The following KIAA1958 variants were observed in gnomAD, a reference collection of about 807,000 sequenced individuals.
KIAA1958 encodes uncharacterized protein KIAA1958.
In KIAA1958, 14 loss-of-function variants were observed where a neutral mutation model predicts 47.2. That is an observed-to-expected ratio of 0.30 (90% CI 0.20 to 0.46). The LOEUF (loss-of-function observed/expected upper bound fraction) is 0.46, where lower values mean the gene tolerates loss of function less well. Among genes scored for constraint, KIAA1958 ranks in the 20% least tolerant of loss-of-function variants. KIAA1958 has a pLI of 1.00. For synonymous variants in KIAA1958, 354 were observed against 353.3 expected (o/e 1.00, Z -0.02); for missense variants, 803 against 909.2 (o/e 0.88, Z 1.50).
chr9:112,595,773 G>A (rs937694742), intron 2 of KIAA1958, among the ~76,000 whole-genome samples: 5 of 151,716 alleles, frequency 3.3e-5, no homozygotes, highest in Non-Finnish European at 5.9e-5. Context: ...CATATTCTGG[G>A]GCTGTTGTTT....
Position 112,573,616 on chromosome 9 carries a change from G to T in KIAA1958, c.-24-441G>T, listed in dbSNP as rs118088140. Among the ~76,000 whole-genome samples the T allele has an allele frequency of 2.8e-3, 421 of 152,228 alleles. 2 individuals are homozygous for T. Among genetic ancestry groups the T allele is most frequent in the Non-Finnish European group, 4.4e-3 (297 of 68,002 alleles). ...CTCTGCCTCTAGTAGTAAAGTTTCT[G>T]ATGACAAAGGGTGTCATTGGAGCTG... On this transcript the variant is annotated intron_variant, in intron 1 of 3. Coordinates refer to ENST00000337530, the MANE Select transcript of KIAA1958 (RefSeq NM_133465.4).
chr9:112,585,275 A>T (rs1351811501), intron 2 of KIAA1958, among the ~76,000 whole-genome samples: 1 of 152,246 alleles, frequency 6.6e-6, no homozygotes, highest in Admixed American at 6.5e-5. Context: ...CAACAACTTC[A>T]ACTTCAAGTG....
intron 1 of KIAA1958, among the ~76,000 whole-genome samples, chr9:112,563,069 C>CTG (rs1391955672): frequency 2.2e-4 from 13 of 57,866 alleles, no homozygotes; most frequent in South Asian, 7.9e-4. Context: ...GTCTCTGTCT[C>CTG]TCTCTCTCTC....
chr9:112,507,770 CTTTCTTTCTTTCTTTCTTTTTCTT>C (rs1564152646), intron 1 of KIAA1958, among the ~76,000 whole-genome samples: 1 of 150,714 alleles, frequency 6.6e-6, no homozygotes, highest in African/African-American at 2.5e-5. Flanking sequence ...CTCTCTCTCT[CTTTCTTTCTTTCTTTCTTTTTCTT>C]TCTCTTTCTT....
At chr9:112,511,442 T>C (rs539977170) in intron 1 of KIAA1958, among the ~76,000 whole-genome samples, 2 of 152,144 alleles carry the variant, frequency 1.3e-5, no homozygotes, top group South Asian at 4.1e-4. Context: ...GTAGATTGTG[T>C]TGAAGCAAAA....
intron 1 of KIAA1958, among the ~76,000 whole-genome samples, chr9:112,521,868 G>C (rs372084164): frequency 6.6e-6 from 1 of 151,982 alleles, no homozygotes; most frequent in Non-Finnish European, 1.5e-5. Context: ...ACTGATTACT[G>C]TGTGCCCTTA....
chr9:112,628,542 C>A (rs545172695), intron 2 of KIAA1958, among the ~76,000 whole-genome samples: 1 of 152,304 alleles, frequency 6.6e-6, no homozygotes, highest in South Asian at 2.1e-4. Context: ...AAAATTATTT[C>A]TTGATTCCTA....
At chr9:112,511,915 A>G (rs1051513990) in intron 1 of KIAA1958, among the ~76,000 whole-genome samples, 1 of 152,202 alleles carries the variant, frequency 6.6e-6, no homozygotes, top group African/African-American at 2.4e-5. Context: ...GGTAAATTTG[A>G]CAACTTATAT....
At chr9:112,498,433 A>G (rs1834079350) in intron 1 of KIAA1958, among the ~76,000 whole-genome samples, 2 of 152,222 alleles carry the variant, frequency 1.3e-5, no homozygotes, top group African/African-American at 2.4e-5. Context: ...AAGTTTTACA[A>G]TAAATTTAGA....
chr9:112,537,539 A>G (rs1302966745), intron 1 of KIAA1958, among the ~76,000 whole-genome samples: 3 of 152,248 alleles, frequency 2.0e-5, no homozygotes, highest in African/African-American at 7.2e-5. Context: ...GACCAGTAAG[A>G]TGCTTAACAT....
intron 1 of KIAA1958, among the ~76,000 whole-genome samples, chr9:112,503,988 A>G (rs546358243): frequency 7.2e-5 from 11 of 152,018 alleles, no homozygotes; most frequent in East Asian, 1.9e-4. Flanking sequence ...TATAATAAGC[A>G]TAATTAAAAA....
Position 112,663,377 on chromosome 9 carries a change from G to T in KIAA1958, c.*3308G>T, listed in dbSNP as rs1436318702. The T allele has an allele frequency of 6.6e-6, 1 of 152,184 alleles. No individual in the cohort carries two copies. Among genetic ancestry groups the T allele is most frequent in the Non-Finnish European group, 1.5e-5 (1 of 68,044 alleles). 9.4% of individuals were successfully genotyped at this position (152,184 alleles called of 1,614,324 possible). A position where few individuals can be genotyped will look rare whatever the true frequency, so the allele number is the denominator to read the frequency against. ...GCGGTACCAGGCACATCATAAGCAT[G>T]CAATAAATGTTAGCCAGCTTAGTTA... On this transcript the variant is annotated 3_prime_UTR_variant, in exon 4 of 4. Coordinates refer to ENST00000337530, the MANE Select transcript of KIAA1958 (RefSeq NM_133465.4).
At chr9:112,651,862 G>T (rs546345481) in intron 3 of KIAA1958, among the ~76,000 whole-genome samples, 1 of 152,190 alleles carries the variant, frequency 6.6e-6, no homozygotes, top group Non-Finnish European at 1.5e-5. Context: ...TTTGTGAGTT[G>T]TAGCTAAAAT....
intron 2 of KIAA1958, among the ~76,000 whole-genome samples, chr9:112,610,448 G>A (rs1202374870): frequency 1.3e-5 from 2 of 152,032 alleles, no homozygotes; most frequent in South Asian, 4.2e-4. Context: ...ATAACCAAAA[G>A]GGGTATGGAG....
At chr9:112,599,122 A>G (rs538337678) in intron 2 of KIAA1958, among the ~76,000 whole-genome samples, 3 of 152,316 alleles carry the variant, frequency 2.0e-5, no homozygotes, top group African/African-American at 7.2e-5. Context: ...TTGGAAAGCT[A>G]TGCATCACAG....
rs567256728 is a variant in KIAA1958 at position 112,614,625 on chromosome 9, C to T, written c.1172-31025C>T. Among the ~76,000 whole-genome samples, 15 of 152,260 alleles carry T rather than the reference C, an allele frequency of 9.9e-5. 2 individuals are homozygous for T. The highest frequency in any genetic ancestry group is 3.6e-4 in the African/African-American group (15 of 41,560). ...TAAAATCAATGATGGTGTCTTTACCCTTTCAACCTCTTCATGTAGCTCATT... is the reference window on the plus strand; with the variant it reads ...TAAAATCAATGATGGTGTCTTTACCTTTTCAACCTCTTCATGTAGCTCATT... On this transcript the variant is annotated intron_variant, in intron 2 of 3. Coordinates refer to ENST00000337530, the MANE Select transcript of KIAA1958 (RefSeq NM_133465.4).
In KIAA1958 at chr9:112,574,487, A is replaced by G. The variant is rs1252937629; in HGVS notation, c.407A>G (p.Glu136Gly). Residue 136 changes from glutamate to glycine, a missense_variant, in exon 2 of 4, where the codon GAA becomes GGA. By Grantham distance (98) the Glu-to-Gly change is moderately conservative. Transcript: ENST00000337530. ...SEPSELDETV[E>G]EYEDENTLFD... Reference sequence around the variant, plus strand: ...CCCTCTGAACTGGATGAAACTGTTGAAGAATATGAAGATGAGAACACCCTG... The same window carrying G: ...CCCTCTGAACTGGATGAAACTGTTGGAGAATATGAAGATGAGAACACCCTG... 3 of 1,614,122 alleles carry G rather than the reference A, an allele frequency of 1.9e-6. No homozygotes were observed. The highest frequency in any genetic ancestry group is 2.2e-5 in the South Asian group (2 of 91,078).
chr9:112,659,241 C>A (rs1464044035), intron 3 of KIAA1958, 22 bp from the exon 4 acceptor site: 1 of 1,593,216 alleles, frequency 6.3e-7, no homozygotes, highest in Middle Eastern at 1.7e-4. Context: ...AGTGTGTAAC[C>A]TCCGTGTTTG....
chr9:112,545,819 T>G (rs1484958927), intron 1 of KIAA1958, among the ~76,000 whole-genome samples: 1 of 84,974 alleles, frequency 1.2e-5, no homozygotes, highest in Non-Finnish European at 2.2e-5. Flanking sequence ...ATACACAGGT[T>G]TCTTTGTTTT....
Sources: allele counts gnomAD v4.1 joint callset (sites outside exome capture counted in the v4.1 genomes callset), GRCh38; gene constraint gnomAD v4.1.1; transcripts MANE v1.5; gene names NCBI Gene and HGNC (gene_info 2026-07-23, HGNC 2026-07-21).